SLC24A2: variants seen among roughly 807,000 people sequenced by gnomAD.
SLC24A2 encodes sodium/potassium/calcium exchanger 2.
A neutral mutation model predicts 62.0 loss-of-function variants in SLC24A2; 36 were observed. The ratio of observed to expected loss-of-function variants is 0.58; its 90% CI spans 0.44 to 0.77. The LOEUF (loss-of-function observed/expected upper bound fraction) is 0.77. Ranked by LOEUF, SLC24A2 falls within the 30% of genes least tolerant of loss-of-function variation. The pLI, the probability that SLC24A2 is intolerant of heterozygous loss-of-function variation, is 0.00. For synonymous variants in SLC24A2, 358 were observed against 294.0 expected, an observed-to-expected ratio of 1.22 and a Z score of -2.23; for missense variants, 846 against 817.9, an observed-to-expected ratio of 1.03 and a Z score of -0.42.
chr9:20,161,641 A>G, the SLC24A2 span, among the ~76,000 whole-genome samples: 1 of 151,260 alleles, frequency 6.6e-6, no homozygotes, highest in Admixed American at 6.6e-5. Flanking sequence ...ATCCTGAAAA[A>G]GTTTTTGACA....
intron 8 of SLC24A2, among the ~76,000 whole-genome samples, chr9:19,543,247 TTGTATTTCTG>T (rs1563948352): frequency 6.6e-6 from 1 of 152,186 alleles, no homozygotes; most frequent in Non-Finnish European, 1.5e-5. Flanking sequence ...TGATGGTAGT[TTGTATTTCTG>T]TGGGATCAGT....
the SLC24A2 span, among the ~76,000 whole-genome samples, chr9:19,872,512 C>G: frequency 6.6e-6 from 1 of 152,108 alleles, no homozygotes; most frequent in South Asian, 2.1e-4. Flanking sequence ...CTCACCTCTC[C>G]TCTCATTTTC....
At chr9:19,918,170 G>GTGTGTA in the SLC24A2 span, among the ~76,000 whole-genome samples, 1 of 139,914 alleles carries the variant, frequency 7.1e-6, no homozygotes, top group Middle Eastern at 4.0e-3. Context: ...GTGTGTGTGT[G>GTGTGTA]TATACATACA....
At chr9:19,529,685 C>G (rs115976975) in intron 8 of SLC24A2, among the ~76,000 whole-genome samples, 2 of 150,558 alleles carry the variant, frequency 1.3e-5, no homozygotes, top group East Asian at 1.9e-4. Flanking sequence ...GGGACCTAAG[C>G]GCTTTAATGG....
At chr9:19,636,388 T>C (rs796637735) in intron 2 of SLC24A2, among the ~76,000 whole-genome samples, 3 of 24,746 alleles carry the variant, frequency 1.2e-4, no homozygotes, top group African/African-American at 3.8e-4. Context: ...TCTTTCTTTC[T>C]CCCTCTCTCT....
At chr9:19,811,761 G>T in the SLC24A2 span, among the ~76,000 whole-genome samples, 1 of 151,944 alleles carries the variant, frequency 6.6e-6, no homozygotes, top group Non-Finnish European at 1.5e-5. Flanking sequence ...AATTATCTCT[G>T]TGCTTTTATA....
the SLC24A2 span, among the ~76,000 whole-genome samples, chr9:19,907,735 T>C: frequency 6.6e-6 from 1 of 152,188 alleles, no homozygotes; most frequent in Admixed American, 6.5e-5. Flanking sequence ...TCATTCACAA[T>C]TGCTTCAAAG....
intron 4 of SLC24A2, among the ~76,000 whole-genome samples, chr9:19,597,928 A>G (rs1043858833): frequency 3.9e-5 from 6 of 152,154 alleles, no homozygotes; most frequent in Admixed American, 6.5e-5. Flanking sequence ...GGACTAAGGC[A>G]TTGGTGGCTG....
At chr9:19,636,345 TTC>T (rs1491012980) in intron 2 of SLC24A2, among the ~76,000 whole-genome samples, 1 of 36,974 alleles carries the variant, frequency 2.7e-5, no homozygotes, top group African/African-American at 1.3e-4. Context: ...CTTTCTTTCT[TTC>T]TTTCTTTCTT....
At chr9:20,172,286 G>C in the SLC24A2 span, among the ~76,000 whole-genome samples, 1 of 151,894 alleles carries the variant, frequency 6.6e-6, no homozygotes, top group South Asian at 2.1e-4. Context: ...GTCACACCAG[G>C]AACTAGAGAA....
At chr9:19,685,162 A>G (rs1819843635) in intron 2 of SLC24A2, among the ~76,000 whole-genome samples, 1 of 152,130 alleles carries the variant, frequency 6.6e-6, no homozygotes, top group African/African-American at 2.4e-5. Context: ...CATTCATAAT[A>G]GCCACAAAGA....
At chr9:20,042,924 A>T in the SLC24A2 span, among the ~76,000 whole-genome samples, 1 of 152,172 alleles carries the variant, frequency 6.6e-6, no homozygotes, top group Admixed American at 6.5e-5. Context: ...AACTTAATTG[A>T]TAAATGTTAT....
chr9:19,628,001 G>T lies in SLC24A2; in HGVS notation c.931-5702C>A, dbSNP rs143959069. On this transcript the variant is annotated intron_variant, in intron 2 of 10. Transcript: ENST00000341998. ...AACATTAGCACAAACTTTTAGAAAT[G>T]AATTCTTTCAATGCCTCTCACAGAA... 2.1e-3 allele frequency among the ~76,000 whole-genome samples: 327 copies of T among 152,290 alleles called. 1 individual carries two copies. The highest frequency in any genetic ancestry group is 7.5e-3 in the African/African-American group (312 of 41,560).
intron 4 of SLC24A2, among the ~76,000 whole-genome samples, chr9:19,615,246 C>T (rs565609858): frequency 7.9e-5 from 12 of 152,324 alleles, no homozygotes; most frequent in South Asian, 4.1e-4. Context: ...CCCTTTTGAA[C>T]ATACACCAAA....
At chr9:19,597,032 G>T (rs540123398) in intron 5 of SLC24A2, among the ~76,000 whole-genome samples, 197 bp downstream of exon 5, 2 of 152,110 alleles carry the variant, frequency 1.3e-5, no homozygotes, top group Non-Finnish European at 2.9e-5. Flanking sequence ...GGAATAACAT[G>T]ATTACCCATG....
the SLC24A2 span, among the ~76,000 whole-genome samples, chr9:20,108,779 C>A: frequency 6.6e-6 from 1 of 151,950 alleles, no homozygotes; most frequent in African/African-American, 2.4e-5. Flanking sequence ...AGCACACCAG[C>A]ATGGCACAAG....
chr9:19,532,042 G>GTAT (rs1352214738), intron 8 of SLC24A2, among the ~76,000 whole-genome samples: 1 of 152,080 alleles, frequency 6.6e-6, no homozygotes, highest in Non-Finnish European at 1.5e-5. Flanking sequence ...AAATGGTGGA[G>GTAT]TATTTACATA....
chr9:19,711,796 C>T (rs184755986), intron 2 of SLC24A2, among the ~76,000 whole-genome samples: 1 of 152,154 alleles, frequency 6.6e-6, no homozygotes, highest in East Asian at 1.9e-4. Context: ...GTTGTGTAGG[C>T]AGAAAAGCAA....
the SLC24A2 span, among the ~76,000 whole-genome samples, chr9:19,867,384 C>T: frequency 4.9e-4 from 75 of 152,188 alleles, no homozygotes; most frequent in African/African-American, 1.7e-3. Flanking sequence ...TTCAGAATTC[C>T]CATTGCTTTT....
Sources: allele counts gnomAD v4.1 joint callset (sites outside exome capture counted in the v4.1 genomes callset), GRCh38; gene constraint gnomAD v4.1.1; transcripts MANE v1.5; gene names NCBI Gene and HGNC (gene_info 2026-07-23, HGNC 2026-07-21).